Variants in WDFY3 observed in about 807,000 individuals in gnomAD.
The protein encoded by WDFY3 is WD repeat and FYVE domain containing 3.
In WDFY3, 66 loss-of-function variants were observed where a neutral mutation model predicts 409.6. The observed-to-expected ratio is 0.16, with a 90% CI of 0.13 to 0.20. WDFY3 has a LOEUF of 0.20. Among genes scored for constraint, WDFY3 ranks in the 10% least tolerant of loss-of-function variants. The pLI, the probability that WDFY3 is intolerant of heterozygous loss-of-function variation, is 1.00. For synonymous variants in WDFY3, 1,521 were observed against 1,537.1 expected (o/e 0.99, Z 0.25); for missense variants, 3,031 against 4,298.1 (o/e 0.71, Z 8.24).
chr4:84,671,016 T>C lies in WDFY3; in HGVS notation c.*1852A>G, dbSNP rs754660305. The C allele has an allele frequency of 6.6e-6, 1 of 152,658 alleles. No homozygotes were observed. The highest frequency in any genetic ancestry group is 2.4e-5 in the African/African-American group (1 of 41,450). 9.5% of individuals were successfully genotyped at this position (152,658 alleles called of 1,614,324 possible). A position where few individuals can be genotyped will look rare whatever the true frequency, so the allele number is the denominator to read the frequency against. Reference sequence around the variant, plus strand: ...ATGGAAGTGTTTTAATCAATTTTGATATGTAATCATAAATAGACTGTAGGC... The same window carrying C: ...ATGGAAGTGTTTTAATCAATTTTGACATGTAATCATAAATAGACTGTAGGC... On this transcript the variant is annotated 3_prime_UTR_variant, in exon 68 of 68. Transcript: ENST00000295888.
At chr4:84,863,405 T>C (rs1760933237) in intron 3 of WDFY3, among the ~76,000 whole-genome samples, 1 of 152,184 alleles carries the variant, frequency 6.6e-6, no homozygotes, top group Admixed American at 6.5e-5. Context: ...TGGCCAACAT[T>C]CTCGCCACTC....
chr4:84,787,743 G>C (rs762493947), intron 22 of WDFY3, 30 bp from the exon 23 acceptor site: 88 of 1,556,056 alleles, frequency 5.7e-5, no homozygotes, highest in Non-Finnish European at 7.3e-5. Flanking sequence ...AAATGTGTGA[G>C]ATGTGAACAC....
intron 5 of WDFY3, among the ~76,000 whole-genome samples, chr4:84,842,328 TC>T (rs1757478430): frequency 6.6e-6 from 1 of 151,492 alleles, no homozygotes; most frequent in African/African-American, 2.4e-5. Context: ...AATACAAAAA[TC>T]AGGCAGGTGT....
chr4:84,840,572 A>G (rs1046754983), intron 6 of WDFY3, among the ~76,000 whole-genome samples: 1 of 151,808 alleles, frequency 6.6e-6, no homozygotes, highest in African/African-American at 2.4e-5. Context: ...ATGCTCTACA[A>G]ATGGTATCAT....
At chr4:84,784,092 T>A (rs923425544) in intron 24 of WDFY3, among the ~76,000 whole-genome samples, 1 of 152,178 alleles carries the variant, frequency 6.6e-6, no homozygotes, top group African/African-American at 2.4e-5. Flanking sequence ...AGTGAATCCT[T>A]GATCTTACAA....
intron 27 of WDFY3, among the ~76,000 whole-genome samples, chr4:84,777,303 G>C (rs982337526): frequency 2.0e-5 from 3 of 151,932 alleles, no homozygotes; most frequent in Non-Finnish European, 4.4e-5. Context: ...CGTCAGCCTA[G>C]GTAAGAGTTT....
chr4:84,842,057 A>T (rs1204588604), intron 5 of WDFY3, among the ~76,000 whole-genome samples: 1 of 152,244 alleles, frequency 6.6e-6, no homozygotes, highest in Non-Finnish European at 1.5e-5. Context: ...AAGTAAATTT[A>T]GTTGATTATA....
At position 84,837,019 on chromosome 4, in the gene WDFY3, G is replaced by A. The variant is rs1756669365; in HGVS notation, c.486C>T (p.Asp162=). The part of the protein sequence containing the change: ...TLVKCLYLFF[D]LPHVPEAVGG... Reference sequence around the variant, plus strand: ...CAACTGCCTCAGGCACATGTGGAAGGTCAAAAAACAGATATAAACATTTAA... The same window carrying A: ...CAACTGCCTCAGGCACATGTGGAAGATCAAAAAACAGATATAAACATTTAA... The change falls in exon 7 of 68, where the codon GAC becomes GAT. Residue 162 remains aspartate, a synonymous_variant. Transcript: ENST00000295888. 1 of 1,600,166 alleles carries A rather than the reference G, an allele frequency of 6.2e-7. No homozygotes were observed. Among genetic ancestry groups the A allele is most frequent in the African/African-American group, 1.3e-5 (1 of 74,602 alleles).
Position 84,670,178 on chromosome 4 carries a change from C to T in WDFY3, c.*2690G>A, listed in dbSNP as rs556584007. 5 of 152,716 alleles carry T rather than the reference C, an allele frequency of 3.3e-5. No homozygotes were observed. The highest frequency in any genetic ancestry group is 1.2e-4 in the African/African-American group (5 of 41,566). 9.5% of individuals were successfully genotyped at this position (152,716 alleles called of 1,614,324 possible). ...AGCATGACATTAGAGTTGCACACTA[C>T]ATAGAAATGTTAGAATACATGGATG... On this transcript the variant is annotated 3_prime_UTR_variant, in exon 68 of 68. Transcript: ENST00000295888.
At position 84,733,454 on chromosome 4, in the gene WDFY3, C is replaced by G. The variant is rs1463523670; in HGVS notation, c.7149G>C (p.Lys2383Asn). The G allele has an allele frequency of 6.2e-7, 1 of 1,613,974 alleles. No homozygotes were observed. The highest frequency in any genetic ancestry group is 8.5e-7 in the Non-Finnish European group (1 of 1,180,020). Residue 2383 changes from lysine (K) to asparagine (N), a missense_variant, in exon 44 of 68, where the codon AAG becomes AAC. This residue lies in a region of WDFY3 where 98 missense variants were observed against 194.9 expected (regional missense o/e 0.50). Transcript: ENST00000295888. ...MTEGPCRMRKKMVRNDMFYNH... is the reference protein window; with the variant it reads ...MTEGPCRMRKNMVRNDMFYNH... ...TATAAAACATATCATTTCGCACCAT[C>G]TTTTTCCTCATCCTGCAGGGCCCTT...
intron 67 of WDFY3, among the ~76,000 whole-genome samples, chr4:84,673,850 C>T (rs1725826462): frequency 6.6e-6 from 1 of 152,098 alleles, no homozygotes; most frequent in Non-Finnish European, 1.5e-5. Flanking sequence ...CTCCTGGCCT[C>T]AAGTGATCTT....
rs1735385695 is a variant in WDFY3 at position 84,724,727 on chromosome 4, A to ACACTTTT, written c.7273-134_7273-133insAAAAGTG. 3 of 846,260 alleles carry ACACTTTT rather than the reference A, an allele frequency of 3.5e-6. No homozygotes were observed. The Admixed American group carries it at 1.2e-4, about 32-fold the overall frequency. 52.4% of individuals were successfully genotyped at this position (846,260 alleles called of 1,614,324 possible). A position where few individuals can be genotyped will look rare whatever the true frequency, so the allele number is the denominator to read the frequency against. The stretch of plus-strand genomic sequence containing the variant: ...CTTTTCATAGACTGTATGTATATAC[A>ACACTTTT]GTAAATCCACACTTTTGGGTTAAGT... On this transcript the variant is annotated intron_variant, in intron 45 of 67. Transcript: ENST00000295888.
intron 2 of WDFY3, among the ~76,000 whole-genome samples, chr4:84,914,296 C>CT (rs1385863918): frequency 9.9e-5 from 15 of 152,058 alleles, no homozygotes; most frequent in Non-Finnish European, 2.1e-4. Flanking sequence ...TGGCAGGTGC[C>CT]TATAATCCCA....
Position 84,709,276 on chromosome 4 carries a change from A to G in WDFY3, c.8097+17T>C. ...ATTACGAACTTCTAAGGAAGCTCAT[A>G]TATTCATTAAACTTACCTCCCATCT... On this transcript the variant is annotated intron_variant, in intron 52 of 67. Transcript: ENST00000295888. The G allele has an allele frequency of 6.2e-7, 1 of 1,602,830 alleles. No individual in the cohort carries two copies. Among genetic ancestry groups the G allele is most frequent in the Non-Finnish European group, 8.5e-7 (1 of 1,176,300 alleles).
At position 84,819,498 on chromosome 4, in the gene WDFY3, T is replaced by C. The variant is rs182332999; in HGVS notation, c.1693+587A>G. On this transcript the variant is annotated intron_variant, in intron 12 of 67. Coordinates refer to ENST00000295888, the MANE Select transcript of WDFY3 (RefSeq NM_014991.6). ...ACTGAACTTATTACCTGAGAGTTGT[T>C]TGATGTTAATTAAAATCTCAAGTAA... Among the ~76,000 whole-genome samples, 373 of 152,202 alleles carry C rather than the reference T, an allele frequency of 2.5e-3. 2 individuals carry two copies. The highest frequency in any genetic ancestry group is 8.0e-3 in the African/African-American group (333 of 41,558).
intron 25 of WDFY3, 73 bp from the exon 26 acceptor site, chr4:84,780,371 A>G (rs1401817339): frequency 7.2e-6 from 10 of 1,380,082 alleles, no homozygotes; most frequent in African/African-American, 1.5e-5. Context: ...ATCATCTTGA[A>G]AAGTTTTTTA....
In WDFY3 at chr4:84,817,333, T is replaced by C. The variant is rs536603064; in HGVS notation, c.1887+59A>G. Reference sequence around the variant, plus strand: ...CTGTCTCTAACTTAAATACAGATCATCTAAAAATAACCACAGATTTTAGTA... The same window carrying C: ...CTGTCTCTAACTTAAATACAGATCACCTAAAAATAACCACAGATTTTAGTA... On this transcript the variant is annotated intron_variant, in intron 13 of 67. Coordinates refer to ENST00000295888, the MANE Select transcript of WDFY3 (RefSeq NM_014991.6). 48 of 1,592,534 alleles carry C rather than the reference T, an allele frequency of 3.0e-5. No homozygotes were observed. The African/African-American group carries it at 4.4e-4, about 15-fold the overall frequency.
At chr4:84,961,215 C>CA (rs35416764) in intron 1 of WDFY3, among the ~76,000 whole-genome samples, 48,857 of 108,842 alleles carry the variant, frequency 0.45, 8,839 homozygotes, top group Admixed American at 0.53. Context: ...GACTCTGTCT[C>CA]AAAAAAAAAA....
chr4:84,940,343 G>C (rs1771945905), intron 1 of WDFY3, among the ~76,000 whole-genome samples: 1 of 151,666 alleles, frequency 6.6e-6, no homozygotes, highest in Admixed American at 6.6e-5. Flanking sequence ...CCTCAATGGG[G>C]GTACAATACT....
Sources: gnomAD v4.1 joint callset for allele counts (sites outside exome capture counted in the v4.1 genomes callset) on GRCh38, gnomAD v4.1.1 for gene constraint, gnomAD v4.1.1 regional missense constraint, MANE v1.5 for transcripts, NCBI Gene and HGNC (gene_info 2026-07-23, HGNC 2026-07-21) for gene names.